The following SLC16A12 variants were observed in gnomAD, a reference collection of about 807,000 sequenced individuals.
SLC16A12 encodes monocarboxylate transporter 12.
SLC16A12 carries 17 observed loss-of-function variants against 42.4 expected under a neutral mutation model. The ratio of observed to expected loss-of-function variants is 0.40; its 90% CI spans 0.27 to 0.60. SLC16A12 has a LOEUF of 0.60. Ranked by LOEUF, SLC16A12 falls within the 20% of genes least tolerant of loss-of-function variation. The pLI, the probability that SLC16A12 is intolerant of heterozygous loss-of-function variation, is 0.42. For synonymous variants in SLC16A12, 224 were observed against 229.4 expected, an observed-to-expected ratio of 0.98 and a Z score of 0.21; for missense variants, 544 against 623.0, an observed-to-expected ratio of 0.87 and a Z score of 1.35.
Position 89,462,567 on chromosome 10 carries a change from T to G in SLC16A12, c.12A>C (p.Gly4=). 11 of 1,608,030 alleles carry G rather than the reference T, an allele frequency of 6.8e-6. No homozygotes were observed. Among genetic ancestry groups the G allele is most frequent in the Non-Finnish European group, 9.3e-6 (11 of 1,178,766 alleles). MPS[G]SHWTANSSKI... is the part of the protein sequence containing the mutation. Reference sequence around the variant, plus strand: ...TGGAAGAGTTTGCTGTCCAGTGACTTCCTGATGGCATTCAAGGTTGGCATA... The same window carrying G: ...TGGAAGAGTTTGCTGTCCAGTGACTGCCTGATGGCATTCAAGGTTGGCATA... Residue 4 remains glycine, a synonymous_variant, in exon 3 of 8, where the codon GGA becomes GGC. Coordinates refer to ENST00000371790, the MANE Select transcript of SLC16A12 (RefSeq NM_213606.4).
chr10:89,499,190 C>CAGAGAA, intron 2 of SLC16A12, among the ~76,000 whole-genome samples: 1 of 151,986 alleles, frequency 6.6e-6, no homozygotes, highest in African/African-American at 2.4e-5. Flanking sequence ...AGGGAGGCAC[C>CAGAGAA]AGAGAAAGAC....
chr10:89,514,991 C>G (rs1403697528), intron 2 of SLC16A12, among the ~76,000 whole-genome samples: 3 of 152,134 alleles, frequency 2.0e-5, no homozygotes, highest in African/African-American at 4.8e-5. Flanking sequence ...ACTTGGGAGG[C>G]TGAGGCAGGA....
intron 2 of SLC16A12, among the ~76,000 whole-genome samples, chr10:89,471,080 G>T (rs1379167289): frequency 6.6e-6 from 1 of 152,152 alleles, no homozygotes; most frequent in East Asian, 1.9e-4. Context: ...TACTAAATTT[G>T]CAAAGACTGT....
intron 2 of SLC16A12, among the ~76,000 whole-genome samples, chr10:89,482,503 G>A (rs561363664): frequency 2.0e-5 from 3 of 152,256 alleles, no homozygotes; most frequent in Admixed American, 6.5e-5. Flanking sequence ...AATAGATGCC[G>A]GGTGTGATGG....
At chr10:89,536,145 C>G (rs1163456667), upstream of SLC16A12, among the ~76,000 whole-genome samples, 1 of 151,914 alleles carries the variant, frequency 6.6e-6, no homozygotes, top group East Asian at 1.9e-4. Flanking sequence ...TGACCCCTGA[C>G]CTCGGCAAGC....
In SLC16A12 at chr10:89,523,701, T is replaced by C. The variant is rs114237235; in HGVS notation, c.-47+10800A>G. On this transcript the variant is annotated intron_variant, in intron 2 of 7. Coordinates refer to ENST00000371790, the MANE Select transcript of SLC16A12 (RefSeq NM_213606.4). The stretch of plus-strand genomic sequence containing the variant: ...AACTCTTACCATATGTCAGGTACCA[T>C]GACAGCTGCTAGGACCAGTTAAGCT... Among the ~76,000 whole-genome samples, 1,497 of 152,300 alleles carry C rather than the reference T, an allele frequency of 9.8e-3. 26 individuals carry two copies. The highest frequency in any genetic ancestry group is 0.033 in the African/African-American group (1,374 of 41,552).
At position 89,481,374 on chromosome 10, in the gene SLC16A12, C is replaced by T. The variant is rs183121129; in HGVS notation, c.-46-18750G>A. ...TTTCCATTTAACATCAGTTCACATC[C>T]GCTTGTCTATATACTTGGCGTAGTT... On this transcript the variant is annotated intron_variant, in intron 2 of 7. Coordinates refer to ENST00000371790, the MANE Select transcript of SLC16A12 (RefSeq NM_213606.4). Among the ~76,000 whole-genome samples, 10 of 152,112 alleles carry T rather than the reference C, an allele frequency of 6.6e-5. No individual in the cohort carries two copies. The East Asian group carries it at 1.5e-3, about 24-fold the overall frequency.
chr10:89,502,459 CAA>C (rs1226045460), intron 2 of SLC16A12, among the ~76,000 whole-genome samples: 2 of 151,658 alleles, frequency 1.3e-5, no homozygotes, highest in African/African-American at 4.8e-5. Context: ...AAACAAAAAA[CAA>C]AAAAACAAAA....
intron 1 of SLC16A12, 38 bp from the exon 2 acceptor site, chr10:89,534,678 A>T (rs1055245122): frequency 2.8e-4 from 42 of 149,148 alleles, no homozygotes; most frequent in Non-Finnish European, 4.7e-4. Flanking sequence ...AAAATCCAAA[A>T]ATTAGCCGGG....
At chr10:89,550,629 A>T (rs1843765108) in intron 2 of SLC16A12, among the ~76,000 whole-genome samples, 1 of 152,144 alleles carries the variant, frequency 6.6e-6, no homozygotes, top group Non-Finnish European at 1.5e-5. Context: ...TCCTCTGACC[A>T]TGGCCCATAA....
At position 89,432,198 on chromosome 10, in the gene SLC16A12, T is replaced by C. The variant is rs991453634; in HGVS notation, c.*866A>G. 6.6e-6 allele frequency: 1 copy of C among 152,662 alleles called. No homozygotes were observed. Among genetic ancestry groups the C allele is most frequent in the African/African-American group, 2.4e-5 (1 of 41,470 alleles). The allele number at this position is 152,662 out of a possible 1,614,324, so 9.5% of individuals were successfully genotyped here. On this transcript the variant is annotated 3_prime_UTR_variant, in exon 8 of 8. Transcript: ENST00000371790. ...GAAGGTAAAAGACGGGAAGTTTTGG[T>C]GTTGTTGACATTTCAGGTAAGATTG...
intron 2 of SLC16A12, among the ~76,000 whole-genome samples, chr10:89,554,346 C>T (rs1843795258): frequency 6.6e-6 from 1 of 152,100 alleles, no homozygotes; most frequent in African/African-American, 2.4e-5. Context: ...ACCTGAAGAC[C>T]CTGCTTCTGG....
chr10:89,476,639 C>T (rs1341842583), intron 2 of SLC16A12, among the ~76,000 whole-genome samples: 2 of 152,176 alleles, frequency 1.3e-5, no homozygotes, highest in African/African-American at 2.4e-5. Context: ...AAATGGTACA[C>T]GGAGCTTGAA....
rs772796661 is a variant in SLC16A12, at chr10:89,433,066, A to G, written c.1549T>C (p.Ter517ArgextTer46). The G allele has an allele frequency of 6.2e-7, 1 of 1,614,174 alleles. No homozygotes were observed. Among genetic ancestry groups the G allele is most frequent in the Non-Finnish European group, 8.5e-7 (1 of 1,180,014 alleles). Residue 517 changes from the stop codon to arginine, a stop_lost, in exon 8 of 8, where the codon TGA (stop) becomes CGA (arginine). Coordinates refer to ENST00000371790, the MANE Select transcript of SLC16A12 (RefSeq NM_213606.4). ...ATAVPGYSLT[*>R] ...ATTCTGGGGCTCAAGGCCTTTGGTC[A>G]TGTGAGGCTGTAGCCAGGCACTGCT...
chr10:89,553,264 A>G (rs1388016213), intron 2 of SLC16A12, among the ~76,000 whole-genome samples: 1 of 152,214 alleles, frequency 6.6e-6, no homozygotes, highest in Non-Finnish European at 1.5e-5. Context: ...TGTTGTGTTT[A>G]TAGTTACTTA....
chr10:89,454,127 G>C (rs946441988), intron 3 of SLC16A12, among the ~76,000 whole-genome samples: 1 of 151,646 alleles, frequency 6.6e-6, no homozygotes, highest in Non-Finnish European at 1.5e-5. Flanking sequence ...CAAGCGATTC[G>C]CCTACCCCCT....
intron 2 of SLC16A12, among the ~76,000 whole-genome samples, chr10:89,488,492 T>C (rs894892680): frequency 1.3e-5 from 2 of 151,964 alleles, no homozygotes; most frequent in Non-Finnish European, 2.9e-5. Flanking sequence ...CCTATAGGAG[T>C]GCTAATAAGG....
chr10:89,501,753 A>AAAT (rs1303174454), intron 2 of SLC16A12, among the ~76,000 whole-genome samples: 1 of 152,224 alleles, frequency 6.6e-6, no homozygotes, highest in African/African-American at 2.4e-5. Context: ...TTCATCTCAA[A>AAAT]AATAATAATA....
At chr10:89,470,570 G>C (rs766328407) in intron 2 of SLC16A12, among the ~76,000 whole-genome samples, 27 of 152,210 alleles carry the variant, frequency 1.8e-4, no homozygotes, top group Non-Finnish European at 3.4e-4. Context: ...AGATAGGTGA[G>C]ATAAGAGCCA....
Sources: gnomAD v4.1 joint callset for allele counts (sites outside exome capture counted in the v4.1 genomes callset) on GRCh38, gnomAD v4.1.1 for gene constraint, MANE v1.5 for transcripts, NCBI Gene and HGNC (gene_info 2026-07-23, HGNC 2026-07-21) for gene names.